PEX26: variants seen among roughly 807,000 people sequenced by gnomAD.
PEX26 encodes peroxisome assembly protein 26.
Under a neutral mutation model 31.4 loss-of-function variants are expected in PEX26, and 18 were observed. The ratio of observed to expected loss-of-function variants is 0.57; its 90% CI spans 0.40 to 0.85. The LOEUF (loss-of-function observed/expected upper bound fraction) is 0.85, where lower values mean the gene tolerates loss of function less well. Ranked by LOEUF, PEX26 falls within the 40% of genes least tolerant of loss-of-function variation. The pLI is 0.00. For synonymous variants in PEX26, 176 were observed against 166.9 expected, an observed-to-expected ratio of 1.05 and a Z score of -0.42; for missense variants, 377 against 383.9, an observed-to-expected ratio of 0.98 and a Z score of 0.15.
At position 18,092,116 on chromosome 22, in the gene PEX26, C is replaced by G. The variant is rs1602473923; in HGVS notation, c.*4041C>G. On this transcript the variant is annotated 3_prime_UTR_variant, in exon 5 of 5. Transcript: ENST00000399744. ...CCTCCCTGTGCCGTCCTCTGCTTTCCTCCCTCCCAGCACGGAAAAGCCGTG... is the reference window on the plus strand; with the variant it reads ...CCTCCCTGTGCCGTCCTCTGCTTTCGTCCCTCCCAGCACGGAAAAGCCGTG... The G allele has an allele frequency of 6.6e-6, 1 of 152,338 alleles. No individual in the cohort carries two copies. The highest frequency in any genetic ancestry group is 2.1e-4 in the South Asian group (1 of 4,834). 9.4% of individuals were successfully genotyped at this position (152,338 alleles called of 1,614,324 possible). A position where few individuals can be genotyped will look rare whatever the true frequency, so the allele number is the denominator to read the frequency against.
In PEX26 at chr22:18,104,870, G is replaced by A. The variant is rs1284467275; in HGVS notation, c.*16795G>A. 6.6e-6 allele frequency: 1 copy of A among 152,160 alleles called. No individual in the cohort carries two copies. Among genetic ancestry groups the A allele is most frequent in the Non-Finnish European group, 1.5e-5 (1 of 68,064 alleles). The allele number at this position is 152,160 out of a possible 1,614,324, so 9.4% of individuals were successfully genotyped here. On this transcript the variant is annotated 3_prime_UTR_variant, in exon 5 of 5. Coordinates refer to ENST00000399744, the MANE Select transcript of PEX26 (RefSeq NM_001127649.3). The stretch of plus-strand genomic sequence containing the variant: ...GTAAACCTTAAAGGCGAGCCAATTT[G>A]TTTGTGATCCAGTGGCCAAAATGGT...
intron 1 of PEX26, chr22:18,079,161 C>A: frequency 1.0e-6 from 1 of 966,406 alleles, no homozygotes; most frequent in Non-Finnish European, 1.2e-6. Context: ...ATAATGAGCC[C>A]TCTTCTCTAC....
rs1926992950 is a variant in PEX26, at chr22:18,089,562, C to T, written c.*1487C>T. The T allele has an allele frequency of 6.6e-6, 1 of 151,806 alleles. No individual in the cohort carries two copies. The highest frequency in any genetic ancestry group is 2.4e-5 in the African/African-American group (1 of 41,206). The allele number at this position is 151,806 out of a possible 1,614,324, so 9.4% of individuals were successfully genotyped here. On this transcript the variant is annotated 3_prime_UTR_variant, in exon 5 of 5. Transcript: ENST00000399744. Reference sequence around the variant, plus strand: ...AGAAGGGCTTTCTGCAGGGGCTGGCCTTTCTCTACCCAGAGGCCAAGCAGG... The same window carrying T: ...AGAAGGGCTTTCTGCAGGGGCTGGCTTTTCTCTACCCAGAGGCCAAGCAGG...
chr22:18,083,579 G>GGCT lies in PEX26; in HGVS notation c.518_520dup (p.Cys173dup), dbSNP rs773583223. 3.7e-6 allele frequency: 6 copies of GGCT among 1,614,066 alleles called. No individual in the cohort carries two copies. In the East Asian group the frequency reaches 1.3e-4, roughly 36 times the overall value. On this transcript the variant is annotated inframe_insertion, in exon 3 of 5. Transcript: ENST00000399744. ...CGTGCAGCGGGTGCTGCTGCCTCTG[G>GGCT]GCTGCTTATCGGAGGCTGAGGAGCT...
In PEX26 at chr22:18,088,490, ACTT is replaced by A. The variant is rs1398791570; in HGVS notation, c.*419_*421del. 4 of 328,074 alleles carry A rather than the reference ACTT, an allele frequency of 1.2e-5. No individual in the cohort carries two copies. In the East Asian group the frequency reaches 3.1e-4, roughly 25 times the overall value. 20.3% of individuals were successfully genotyped at this position (328,074 alleles called of 1,614,324 possible). On this transcript the variant is annotated 3_prime_UTR_variant, in exon 5 of 5. Transcript: ENST00000399744. The surrounding 1 kb of genome is among the most constrained non-coding windows in gnomAD (Gnocchi z 4.1). ...TGGCCTTTCACTTCTTGAGAAACATACTTCTTTGCTGGGCATGGTGACTCACGC... is the reference window on the plus strand; with the variant it reads ...TGGCCTTTCACTTCTTGAGAAACATACTTTGCTGGGCATGGTGACTCACGC...
chr22:18,086,634 G>A (rs1730085638), intron 4 of PEX26, among the ~76,000 whole-genome samples: 2 of 152,146 alleles, frequency 1.3e-5, no homozygotes, highest in South Asian at 4.1e-4. Flanking sequence ...AGCCAAACTT[G>A]GCACTCGCTC....
chr22:18,087,851 T>TA (rs1303095691), intron 4 of PEX26, 121 bp from the exon 5 acceptor site: 121 of 775,640 alleles, frequency 1.6e-4, no homozygotes, highest in Non-Finnish European at 1.8e-4. Flanking sequence ...ACCCTGTCTC[T>TA]AAAAAAAACA....
At position 18,104,485 on chromosome 22, in the gene PEX26, G is replaced by C. The variant is rs1927559731; in HGVS notation, c.*16410G>C. The C allele has an allele frequency of 6.6e-6, 1 of 152,220 alleles. No individual in the cohort carries two copies. Among genetic ancestry groups the C allele is most frequent in the African/African-American group, 2.4e-5 (1 of 41,418 alleles). The allele number at this position is 152,220 out of a possible 1,614,324, so 9.4% of individuals were successfully genotyped here. On this transcript the variant is annotated 3_prime_UTR_variant, in exon 5 of 5. Coordinates refer to ENST00000399744, the MANE Select transcript of PEX26 (RefSeq NM_001127649.3). ...CAAAGCGTTGGGATTACAGGCATGAGCCATCGCACCCGCCTCTTTAGGTGT... is the reference window on the plus strand; with the variant it reads ...CAAAGCGTTGGGATTACAGGCATGACCCATCGCACCCGCCTCTTTAGGTGT...
chr22:18,080,240 G>C (rs560214477), intron 2 of PEX26, among the ~76,000 whole-genome samples: 1 of 152,184 alleles, frequency 6.6e-6, no homozygotes, highest in Non-Finnish European at 1.5e-5. Context: ...GAATAGGAGC[G>C]ACGTGGGATG....
In PEX26 at chr22:18,078,594, A is replaced by T. The variant is rs777682317; in HGVS notation, c.218A>T (p.Glu73Val). 13 of 1,600,318 alleles carry T rather than the reference A, an allele frequency of 8.1e-6. No individual in the cohort carries two copies. In the South Asian group the frequency reaches 1.5e-4, roughly 18 times the overall value. ...CTGGCCAACCACGCCGTGGCAGAGG[A>T]ACCCGCGGGCACGTACGTGCTGGGC... ...QSLANHAVAE[E>V]PAGTSLEVKC... The change falls in exon 1 of 5, where the codon GAA becomes GTA. Residue 73 changes from glutamate to valine, a missense_variant. Physicochemically the swap from Glu to Val is moderately radical, Grantham distance 121 (BLOSUM62 -2). Transcript: ENST00000399744.
intron 2 of PEX26, among the ~76,000 whole-genome samples, chr22:18,081,915 A>G (rs1021224462): frequency 6.6e-6 from 1 of 152,124 alleles, no homozygotes; most frequent in Non-Finnish European, 1.5e-5. Context: ...GAGCTGTTCT[A>G]ACTGGAGCGA....
At position 18,097,295 on chromosome 22, in the gene PEX26, A is replaced by C; in HGVS notation, c.*9220A>C. The C allele has an allele frequency of 1.4e-5, 2 of 145,728 alleles. No individual in the cohort carries two copies. Among genetic ancestry groups the C allele is most frequent in the Non-Finnish European group, 1.5e-5 (1 of 66,710 alleles). The allele number at this position is 145,728 out of a possible 1,614,324, so 9.0% of individuals were successfully genotyped here. Reference sequence around the variant, plus strand: ...TTTCTTTTTTTTGAGACAGAGCCTCACTCTGTCGCCCAGGCTGGAGTGCAG... The same window carrying C: ...TTTCTTTTTTTTGAGACAGAGCCTCCCTCTGTCGCCCAGGCTGGAGTGCAG... On this transcript the variant is annotated 3_prime_UTR_variant, in exon 5 of 5. Transcript: ENST00000399744.
chr22:18,080,560 G>A (rs545488240), intron 2 of PEX26, among the ~76,000 whole-genome samples: 17 of 152,242 alleles, frequency 1.1e-4, no homozygotes, highest in Non-Finnish European at 2.1e-4. Context: ...TCAATCTCCT[G>A]ACCTCGTGAT....
intron 2 of PEX26, among the ~76,000 whole-genome samples, chr22:18,081,141 T>C (rs772795515): frequency 9.3e-4 from 74 of 79,834 alleles, no homozygotes; most frequent in Non-Finnish European, 1.5e-3. Context: ...TATGGCTATA[T>C]AGTATTCCAT....
chr22:18,085,510 A>G (rs967444609), intron 4 of PEX26, among the ~76,000 whole-genome samples: 3 of 152,182 alleles, frequency 2.0e-5, no homozygotes, highest in African/African-American at 4.8e-5. Context: ...ACTCCTGAAC[A>G]TGGACTGAGT....
Position 18,096,232 on chromosome 22 carries a change from C to T in PEX26, c.*8157C>T, listed in dbSNP as rs575365370. ...AACTGGTGCTAATCCATGTAAAACA[C>T]TGAAAAGGTGCATAGCATGTAGTGA... On this transcript the variant is annotated 3_prime_UTR_variant, in exon 5 of 5. Coordinates refer to ENST00000399744, the MANE Select transcript of PEX26 (RefSeq NM_001127649.3). 1.3e-5 allele frequency: 2 copies of T among 152,158 alleles called. No homozygotes were observed. Among genetic ancestry groups the T allele is most frequent in the Non-Finnish European group, 2.9e-5 (2 of 68,044 alleles). The allele number at this position is 152,158 out of a possible 1,614,324, so 9.4% of individuals were successfully genotyped here. A position where few individuals can be genotyped will look rare whatever the true frequency, so the allele number is the denominator to read the frequency against.
chr22:18,104,032 C>G lies in PEX26; in HGVS notation c.*15957C>G, dbSNP rs1044002625. 1.3e-5 allele frequency: 2 copies of G among 152,066 alleles called. No homozygotes were observed. Among genetic ancestry groups the G allele is most frequent in the African/African-American group, 4.8e-5 (2 of 41,380 alleles). The allele number at this position is 152,066 out of a possible 1,614,324, so 9.4% of individuals were successfully genotyped here. Reference sequence around the variant, plus strand: ...CAGAAAGATTGGGTACTTTGCAATACTCATAGCAATATGTGAAGTGATTGG... The same window carrying G: ...CAGAAAGATTGGGTACTTTGCAATAGTCATAGCAATATGTGAAGTGATTGG... On this transcript the variant is annotated 3_prime_UTR_variant, in exon 5 of 5. Coordinates refer to ENST00000399744, the MANE Select transcript of PEX26 (RefSeq NM_001127649.3).
At position 18,092,520 on chromosome 22, in the gene PEX26, T is replaced by G. The variant is rs1307687040; in HGVS notation, c.*4445T>G. The G allele has an allele frequency of 6.6e-6, 1 of 152,214 alleles. No homozygotes were observed. Among genetic ancestry groups the G allele is most frequent in the Non-Finnish European group, 1.5e-5 (1 of 68,030 alleles). 9.4% of individuals were successfully genotyped at this position (152,214 alleles called of 1,614,324 possible). A position where few individuals can be genotyped will look rare whatever the true frequency, so the allele number is the denominator to read the frequency against. On this transcript the variant is annotated 3_prime_UTR_variant, in exon 5 of 5. Transcript: ENST00000399744. ...AAGTATTTTTCTTGTCTTAAAGCAA[T>G]GCATGTATATTTTAGAAAATATTAA...
chr22:18,079,407 T>C (rs1350676349), intron 1 of PEX26, among the ~76,000 whole-genome samples: 1 of 152,168 alleles, frequency 6.6e-6, no homozygotes, highest in Non-Finnish European at 1.5e-5. Flanking sequence ...TTTCAGTGAA[T>C]GCAGAAGGCT....
Sources: gnomAD v4.1 joint callset for allele counts (sites outside exome capture counted in the v4.1 genomes callset) on GRCh38, gnomAD v4.1.1 for gene constraint, Gnocchi (gnomAD v3.1) non-coding constraint, MANE v1.5 for transcripts, NCBI Gene and HGNC (gene_info 2026-07-23, HGNC 2026-07-21) for gene names.